The following STK31 variants were observed in gnomAD, a reference collection of about 807,000 sequenced individuals.
STK31 encodes the protein serine/threonine-protein kinase 31.
In STK31, 89 loss-of-function variants were observed where a neutral mutation model predicts 129.7. The ratio of observed to expected loss-of-function variants is 0.69; its 90% CI spans 0.58 to 0.82. STK31 has a LOEUF of 0.82. Ranked by LOEUF, STK31 falls within the 40% of genes least tolerant of loss-of-function variation. The pLI, the probability that STK31 is intolerant of heterozygous loss-of-function variation, is 0.00. For synonymous variants in STK31, 448 were observed against 395.3 expected, an observed-to-expected ratio of 1.13 and a Z score of -1.58; for missense variants, 1,187 against 1,176.4, an observed-to-expected ratio of 1.01 and a Z score of -0.13.
intron 15 of STK31, among the ~76,000 whole-genome samples, chr7:23,773,776 TG>T (rs1244374997): frequency 1.4e-3 from 214 of 151,930 alleles, no homozygotes; most frequent in African/African-American, 4.5e-3. Flanking sequence ...TTGCCTATGT[TG>T]TTTTTTTTTT....
At chr7:23,797,020 G>C (rs960800047) in intron 22 of STK31, among the ~76,000 whole-genome samples, 1 of 151,948 alleles carries the variant, frequency 6.6e-6, no homozygotes, top group Non-Finnish European at 1.5e-5. Context: ...TGTAAGAAGG[G>C]CATTACATAA....
chr7:23,814,506 ACTGT>A (rs775827998), intron 22 of STK31, among the ~76,000 whole-genome samples: 1 of 152,086 alleles, frequency 6.6e-6, no homozygotes, highest in Non-Finnish European at 1.5e-5. Context: ...AAAATAAAAG[ACTGT>A]CTCTTAGAGA....
intron 15 of STK31, among the ~76,000 whole-genome samples, chr7:23,773,929 G>GCCCCCCCCC (rs145871496): frequency 6.7e-6 from 1 of 148,550 alleles, no homozygotes; most frequent in African/African-American, 2.5e-5. Context: ...CTCTCTCCCT[G>GCCCCCCCCC]CCACCCCCCA....
Position 23,762,859 on chromosome 7 carries a change from C to T in STK31, c.1352C>T (p.Ser451Leu), listed in dbSNP as rs1397453029. 6.2e-7 allele frequency: 1 copy of T among 1,608,652 alleles called. No individual in the cohort carries two copies. The highest frequency in any genetic ancestry group is 8.5e-7 in the Non-Finnish European group (1 of 1,178,108). The change falls in exon 11 of 24, where the codon TCA (serine) becomes TTA (leucine). Residue 451 changes from serine to leucine, a missense_variant. Transcript: ENST00000355870. ...GAAATGCAGCAGAAGCTGTACATGT[C>T]AGTAGAAGATTTTATTCTGGAAGTT... ...RNEMQQKLYM[S>L]VEDFILEVDE...
At chr7:23,817,401 G>A (rs1488224236) in intron 23 of STK31, among the ~76,000 whole-genome samples, 2 of 139,246 alleles carry the variant, frequency 1.4e-5, no homozygotes, top group Non-Finnish European at 3.2e-5. Flanking sequence ...TATAAATTGA[G>A]TAATAAGCAA....
intron 22 of STK31, among the ~76,000 whole-genome samples, chr7:23,804,924 A>G (rs1792603364): frequency 6.6e-6 from 1 of 151,528 alleles, no homozygotes; most frequent in Non-Finnish European, 1.5e-5. Context: ...TTCTTTATTT[A>G]CTCATTCTTG....
rs775578473 is a variant in STK31 at position 23,772,272 on chromosome 7, G to A, written c.1959G>A (p.Leu653=). ...LRWKLVEKSN[L]EESDDPDGSQ... ...GGAAATTGGTTGAAAAGAGTAATTT[G>A]GAAGAGGTAAGGAAACAGTTGTTTC... The change falls in exon 15 of 24, where the codon TTG becomes TTA. Residue 653 remains leucine, a synonymous_variant. Transcript: ENST00000355870. 6.2e-7 allele frequency: 1 copy of A among 1,603,668 alleles called. No homozygotes were observed. The highest frequency in any genetic ancestry group is 1.1e-5 in the South Asian group (1 of 88,904).
chr7:23,740,112 A>G (rs959643953), intron 8 of STK31, among the ~76,000 whole-genome samples: 1 of 152,072 alleles, frequency 6.6e-6, no homozygotes, highest in South Asian at 2.1e-4. Context: ...CGAGCATGGA[A>G]TTGTATTTTC....
At chr7:23,783,544 A>G (rs1373821975) in intron 16 of STK31, 39 bp from the exon 17 acceptor site, 12 of 1,454,712 alleles carry the variant, frequency 8.2e-6, no homozygotes, top group South Asian at 1.2e-5. Flanking sequence ...TTGAATATAT[A>G]TTGATCTACA....
chr7:23,717,554 T>G lies in STK31; in HGVS notation c.224T>G (p.Val75Gly). ...LSEVCPQASS[V>G]LGNLDPNKIY... ...GAAGTTTGCCCCCAGGCCAGTTCAG[T>G]TTTGGGGAATCTTGACCCAAACAAG... The change falls in exon 4 of 24, where the codon GTT (valine) becomes GGT (glycine). Residue 75 changes from valine to glycine, a missense_variant. By Grantham distance (109) the Val-to-Gly change is moderately radical. This residue lies in a region of STK31 where 104 missense variants were observed against 98.3 expected (regional missense o/e 1.06). Coordinates refer to ENST00000355870, the MANE Select transcript of STK31 (RefSeq NM_031414.5). 6.2e-7 allele frequency: 1 copy of G among 1,612,662 alleles called. No individual in the cohort carries two copies. Among genetic ancestry groups the G allele is most frequent in the Non-Finnish European group, 8.5e-7 (1 of 1,179,140 alleles).
chr7:23,817,140 AT>A (rs1793515190), intron 23 of STK31, among the ~76,000 whole-genome samples: 1 of 152,114 alleles, frequency 6.6e-6, no homozygotes, highest in Admixed American at 6.5e-5. Context: ...GTGAGCCGAG[AT>A]TGTGCCATTG....
intron 21 of STK31, among the ~76,000 whole-genome samples, chr7:23,790,222 A>T (rs1484089596): frequency 3.3e-5 from 5 of 152,174 alleles, no homozygotes; most frequent in Non-Finnish European, 7.4e-5. Flanking sequence ...CATTTTACAA[A>T]TTAATTCAGG....
chr7:23,723,644 C>T (rs777789684), intron 4 of STK31, among the ~76,000 whole-genome samples: 3 of 152,082 alleles, frequency 2.0e-5, no homozygotes, highest in East Asian at 1.9e-4. Flanking sequence ...TGGTTCTCTC[C>T]CTCTGCCACC....
At chr7:23,800,897 CTTTT>C (rs1792325989) in intron 22 of STK31, among the ~76,000 whole-genome samples, 1 of 152,030 alleles carries the variant, frequency 6.6e-6, no homozygotes, top group East Asian at 1.9e-4. Flanking sequence ...TAGTTTTTCC[CTTTT>C]TTGTTTCTGA....
At chr7:23,734,774 A>G (rs1787619061) in intron 6 of STK31, among the ~76,000 whole-genome samples, 1 of 152,082 alleles carries the variant, frequency 6.6e-6, no homozygotes, top group Non-Finnish European at 1.5e-5. Flanking sequence ...AGACCAGCTC[A>G]ACTGACACGG....
chr7:23,779,359 C>T (rs1472684064), intron 15 of STK31, among the ~76,000 whole-genome samples: 4 of 152,176 alleles, frequency 2.6e-5, no homozygotes, highest in Non-Finnish European at 4.4e-5. Context: ...TAGCAGAGCT[C>T]GAGCACTGTG....
chr7:23,800,787 TATC>T (rs979235721), intron 22 of STK31, among the ~76,000 whole-genome samples: 4 of 152,082 alleles, frequency 2.6e-5, no homozygotes, highest in Non-Finnish European at 5.9e-5. Flanking sequence ...ATAAAAATAA[TATC>T]ATATTAGTGG....
intron 19 of STK31, 44 bp downstream of exon 19, chr7:23,786,677 G>C (rs1250798299): frequency 6.3e-7 from 1 of 1,587,340 alleles, no homozygotes. Context: ...ATTTTATCTT[G>C]CAGAAACTAT....
In STK31 at chr7:23,816,264, T is replaced by C. The variant is rs146720723; in HGVS notation, c.2829+1052T>C. On this transcript the variant is annotated intron_variant, in intron 23 of 23. Transcript: ENST00000355870. ...AGTTTTGAAAAGGCTATGATAAAAA[T>C]TTATTGCTATTAGATAGAAAAATAC... Among the ~76,000 whole-genome samples the C allele has an allele frequency of 3.1e-4, 47 of 152,282 alleles. 2 individuals are homozygous for C. In the East Asian group the frequency reaches 9.1e-3, roughly 29 times the overall value.
Sources: gnomAD v4.1 joint callset for allele counts (sites outside exome capture counted in the v4.1 genomes callset) on GRCh38, gnomAD v4.1.1 for gene constraint, gnomAD v4.1.1 regional missense constraint, MANE v1.5 for transcripts, NCBI Gene and HGNC (gene_info 2026-07-23, HGNC 2026-07-21) for gene names.